The following TMEM132B variants were observed in gnomAD, a reference collection of about 807,000 sequenced individuals.
TMEM132B encodes transmembrane protein 132B.
In TMEM132B, 18 loss-of-function variants were observed where a neutral mutation model predicts 90.8. The ratio of observed to expected loss-of-function variants is 0.20; its 90% CI spans 0.14 to 0.29. The LOEUF (loss-of-function observed/expected upper bound fraction) is 0.29, where lower values mean the gene tolerates loss of function less well. Ranked by LOEUF, TMEM132B falls within the 10% of genes least tolerant of loss-of-function variation. TMEM132B has a pLI of 1.00. For missense variants in TMEM132B, 1,096 were observed against 1,326.8 expected (o/e 0.83, Z 2.70); for synonymous variants, 504 against 523.3 (o/e 0.96, Z 0.50).
chr12:125,358,349 G>A (rs1877853975), intron 2 of TMEM132B, among the ~76,000 whole-genome samples: 1 of 148,684 alleles, frequency 6.7e-6, no homozygotes, highest in Admixed American at 6.6e-5. Context: ...AATATCTTAT[G>A]TAACCACAAT....
chr12:125,577,205 C>A (rs1884960506), intron 4 of TMEM132B, among the ~76,000 whole-genome samples: 1 of 151,822 alleles, frequency 6.6e-6, no homozygotes, highest in African/African-American at 2.4e-5. Context: ...TCCTCTTGAG[C>A]CAGTTTTGGT....
At chr12:125,194,955 A>G (rs1872892819) in intron 1 of TMEM132B, among the ~76,000 whole-genome samples, 1 of 152,154 alleles carries the variant, frequency 6.6e-6, no homozygotes, top group African/African-American at 2.4e-5. Context: ...GCCGACATTT[A>G]AAAATTGGGA....
chr12:125,227,369 A>G (rs946779410), intron 1 of TMEM132B, among the ~76,000 whole-genome samples: 26 of 152,308 alleles, frequency 1.7e-4, no homozygotes, highest in Admixed American at 3.3e-4. Flanking sequence ...GGGGAAAATG[A>G]GGCACAGAGA....
At chr12:125,547,757 G>T (rs1030449362) in intron 4 of TMEM132B, among the ~76,000 whole-genome samples, 1 of 152,144 alleles carries the variant, frequency 6.6e-6, no homozygotes. Flanking sequence ...GATGGATTCA[G>T]CTCAGGAATT....
intron 2 of TMEM132B, among the ~76,000 whole-genome samples, chr12:125,356,224 G>A (rs900456347): frequency 6.6e-5 from 10 of 152,130 alleles, no homozygotes; most frequent in African/African-American, 2.2e-4. Flanking sequence ...AGACGGTGGA[G>A]CCCAGTGGTT....
At chr12:125,273,932 G>C (rs570543313) in intron 1 of TMEM132B, among the ~76,000 whole-genome samples, 84 of 152,122 alleles carry the variant, frequency 5.5e-4, no homozygotes, top group Non-Finnish European at 1.1e-3. Flanking sequence ...CCAAAGTGCT[G>C]GGATTAAAGG....
chr12:125,296,472 T>G (rs1014940738), intron 1 of TMEM132B, among the ~76,000 whole-genome samples: 1 of 152,190 alleles, frequency 6.6e-6, no homozygotes, highest in African/African-American at 2.4e-5. Flanking sequence ...AGGATGGCCT[T>G]CCCGGACCTC....
intron 4 of TMEM132B, among the ~76,000 whole-genome samples, chr12:125,575,581 T>C (rs1287439732): frequency 6.6e-6 from 1 of 152,086 alleles, no homozygotes; most frequent in Non-Finnish European, 1.5e-5. Flanking sequence ...GTACAATTTA[T>C]CTATTTTTCT....
At chr12:125,642,764 T>C (rs903776369) in intron 5 of TMEM132B, among the ~76,000 whole-genome samples, 9 of 152,102 alleles carry the variant, frequency 5.9e-5, no homozygotes, top group African/African-American at 2.2e-4. Flanking sequence ...ACGTCATTGG[T>C]GTTGAGAAGT....
At chr12:125,513,427 A>C (rs1840997764) in intron 3 of TMEM132B, among the ~76,000 whole-genome samples, 1 of 152,220 alleles carries the variant, frequency 6.6e-6, no homozygotes, top group African/African-American at 2.4e-5. Context: ...GTATGTTAGA[A>C]GATAAAAGCC....
At chr12:125,575,152 C>T (rs1357654970) in intron 4 of TMEM132B, among the ~76,000 whole-genome samples, 1 of 140,368 alleles carries the variant, frequency 7.1e-6, no homozygotes, top group Admixed American at 7.7e-5. Context: ...CCAAACTTTT[C>T]CACAGCAGTC....
intron 1 of TMEM132B, among the ~76,000 whole-genome samples, chr12:125,253,499 A>C (rs1874361673): frequency 2.0e-5 from 3 of 149,264 alleles, no homozygotes; most frequent in Admixed American, 2.0e-4. Flanking sequence ...CAGTGGTATA[A>C]TCATGGCTCC....
intron 2 of TMEM132B, among the ~76,000 whole-genome samples, chr12:125,391,903 A>G (rs945499846): frequency 6.6e-6 from 1 of 151,924 alleles, no homozygotes; most frequent in African/African-American, 2.4e-5. Context: ...AGTAGCTGGG[A>G]CTACAGGCAC....
At chr12:125,278,148 CACT>C (rs1875055344) in intron 1 of TMEM132B, among the ~76,000 whole-genome samples, 1 of 152,234 alleles carries the variant, frequency 6.6e-6, no homozygotes, top group African/African-American at 2.4e-5. Context: ...TCAAATGTGG[CACT>C]CTATGTGTTT....
At chr12:125,343,592 C>T (rs79759596) in intron 1 of TMEM132B, among the ~76,000 whole-genome samples, 2,794 of 152,318 alleles carry the variant, frequency 0.018, 90 homozygotes, top group African/African-American at 0.064. Context: ...TGAATTCTAA[C>T]GTTGACCATG....
intron 2 of TMEM132B, among the ~76,000 whole-genome samples, chr12:125,366,744 A>G (rs74910655): frequency 0.029 from 4,444 of 152,192 alleles, 208 homozygotes; most frequent in African/African-American, 0.1. Context: ...TTATTTATTA[A>G]AATATTCATT....
intron 4 of TMEM132B, among the ~76,000 whole-genome samples, chr12:125,561,001 A>T (rs1173146316): frequency 1.3e-5 from 2 of 152,138 alleles, no homozygotes; most frequent in Admixed American, 1.3e-4. Flanking sequence ...ATATCATTTG[A>T]CCCAGTGATC....
chr12:125,604,592 A>G (rs182849117), intron 5 of TMEM132B, among the ~76,000 whole-genome samples: 39 of 152,352 alleles, frequency 2.6e-4, no homozygotes, highest in African/African-American at 7.9e-4. Flanking sequence ...CTGCACTTGT[A>G]TCCCAGAACT....
intron 5 of TMEM132B, among the ~76,000 whole-genome samples, chr12:125,632,499 G>T (rs928337098): frequency 1.3e-5 from 2 of 152,060 alleles, no homozygotes; most frequent in African/African-American, 4.8e-5. Context: ...TGCACCTTCA[G>T]GTGATTACTT....
Sources: allele counts gnomAD v4.1 joint callset (sites outside exome capture counted in the v4.1 genomes callset), GRCh38; gene constraint gnomAD v4.1.1; transcripts MANE v1.5; gene names NCBI Gene and HGNC (gene_info 2026-07-23, HGNC 2026-07-21).